NRXN1: variants seen among roughly 807,000 people sequenced by gnomAD.
The protein encoded by NRXN1 is neurexin 1.
A neutral mutation model predicts 150.9 loss-of-function variants in NRXN1; 39 were observed. The ratio of observed to expected loss-of-function variants is 0.26; its 90% CI spans 0.20 to 0.34. NRXN1 has a LOEUF of 0.34. Among genes scored for constraint, NRXN1 ranks in the 10% least tolerant of loss-of-function variants. The pLI is 1.00. For synonymous variants in NRXN1, 924 were observed against 757.0 expected (o/e 1.22, Z -3.62); for missense variants, 1,815 against 1,949.9 (o/e 0.93, Z 1.30).
chr2:49,977,728 A>T (rs1414953016), intron 21 of NRXN1, among the ~76,000 whole-genome samples: 1 of 152,178 alleles, frequency 6.6e-6, no homozygotes, highest in Non-Finnish European at 1.5e-5. Context: ...ATTAGGGTCA[A>T]TTTGTTCAAA....
chr2:50,056,752 T>C (rs932809598), intron 19 of NRXN1, among the ~76,000 whole-genome samples: 5 of 152,182 alleles, frequency 3.3e-5, no homozygotes, highest in Admixed American at 1.3e-4. Flanking sequence ...TTTTGGCTTA[T>C]AAGTGATTTT....
intron 18 of NRXN1, among the ~76,000 whole-genome samples, chr2:50,147,448 C>T (rs1482936481): frequency 1.3e-5 from 2 of 151,654 alleles, no homozygotes; most frequent in East Asian, 1.9e-4. Flanking sequence ...TATTTTAGTG[C>T]ATTCTATATG....
chr2:49,974,649 T>C (rs534132101), intron 21 of NRXN1, among the ~76,000 whole-genome samples: 2 of 152,200 alleles, frequency 1.3e-5, no homozygotes, highest in Non-Finnish European at 2.9e-5. Flanking sequence ...CAATTTTATT[T>C]GTAAGTTAAT....
At chr2:50,829,005 T>C (rs1670973654) in intron 5 of NRXN1, among the ~76,000 whole-genome samples, 2 of 152,150 alleles carry the variant, frequency 1.3e-5, no homozygotes, top group Admixed American at 6.5e-5. Context: ...GGCTGGCGGA[T>C]CACTCGCGGT....
chr2:50,123,499 T>C lies in NRXN1; in HGVS notation c.3547-32005A>G, dbSNP rs193161240. Among the ~76,000 whole-genome samples, 37 of 152,278 alleles carry C rather than the reference T, an allele frequency of 2.4e-4. 1 individual carries two copies. The East Asian group carries it at 4.4e-3, about 18-fold the overall frequency. On this transcript the variant is annotated intron_variant, in intron 18 of 22. Coordinates refer to ENST00000401669, the MANE Select transcript of NRXN1 (RefSeq NM_001330078.2). ...CAGTCAATGGTAAACTTTTGGATTT[T>C]ACTCTGGGGAAGATAGGTACTCATT...
At chr2:49,983,983 T>A (rs1487690214) in intron 21 of NRXN1, among the ~76,000 whole-genome samples, 2 of 148,998 alleles carry the variant, frequency 1.3e-5, no homozygotes, top group African/African-American at 4.9e-5. Context: ...GGCAATAGAG[T>A]GAGATCTCAT....
At chr2:50,442,687 T>A (rs1322781629) in intron 17 of NRXN1, among the ~76,000 whole-genome samples, 1 of 152,042 alleles carries the variant, frequency 6.6e-6, no homozygotes, top group East Asian at 1.9e-4. Context: ...ATAATGATAG[T>A]ATTTAAGGGC....
At chr2:49,926,564 T>C (rs1669141377) in intron 22 of NRXN1, among the ~76,000 whole-genome samples, 1 of 152,220 alleles carries the variant, frequency 6.6e-6, no homozygotes. Flanking sequence ...GATAATTCAT[T>C]GTGGAAAATG....
At chr2:50,116,070 A>G (rs1703020717) in intron 18 of NRXN1, among the ~76,000 whole-genome samples, 1 of 152,036 alleles carries the variant, frequency 6.6e-6, no homozygotes, top group Admixed American at 6.6e-5. Context: ...TCTTTTTTTA[A>G]TTGTGACTAA....
At chr2:50,501,455 G>A (rs1033491563) in intron 13 of NRXN1, among the ~76,000 whole-genome samples, 2 of 149,490 alleles carry the variant, frequency 1.3e-5, no homozygotes, top group Non-Finnish European at 3.0e-5. Flanking sequence ...CAAGAGATTG[G>A]AGAGTGAACT....
In NRXN1 at chr2:50,206,883, T is replaced by TACAC. The variant is rs367944282; in HGVS notation, c.3546+29902_3546+29905dup. ...TACACACACACACAGAAATGGGCAG[T>TACAC]ACACACACACACACACACACACATA... On this transcript the variant is annotated intron_variant, in intron 18 of 22. Coordinates refer to ENST00000401669, the MANE Select transcript of NRXN1 (RefSeq NM_001330078.2). Among the ~76,000 whole-genome samples, 43 of 149,674 alleles carry TACAC rather than the reference T, an allele frequency of 2.9e-4. 1 individual carries two copies. The highest frequency in any genetic ancestry group is 2.1e-3 in the South Asian group (10 of 4,720).
At chr2:50,096,701 TTAAA>T (rs1700271674) in intron 18 of NRXN1, among the ~76,000 whole-genome samples, 2 of 152,214 alleles carry the variant, frequency 1.3e-5, no homozygotes, top group Admixed American at 1.3e-4. Flanking sequence ...CATGGATTCA[TTAAA>T]TAAACAGTGA....
chr2:49,959,786 T>C (rs546315007), intron 21 of NRXN1, among the ~76,000 whole-genome samples: 2 of 152,308 alleles, frequency 1.3e-5, no homozygotes, highest in South Asian at 2.1e-4. Flanking sequence ...TTCATTATTA[T>C]TTTATAAGAC....
chr2:50,074,555 A>G (rs1043199816), intron 19 of NRXN1, among the ~76,000 whole-genome samples: 5 of 152,262 alleles, frequency 3.3e-5, no homozygotes, highest in African/African-American at 1.2e-4. Flanking sequence ...CATATATATG[A>G]TGGCTACTAT....
At chr2:50,627,390 TGTGTGC>T (rs1489612073) in intron 5 of NRXN1, among the ~76,000 whole-genome samples, 14 of 115,664 alleles carry the variant, frequency 1.2e-4, no homozygotes, top group East Asian at 5.6e-4. Context: ...TGTGTGTGTG[TGTGTGC>T]GCATACTAAT....
intron 8 of NRXN1, among the ~76,000 whole-genome samples, chr2:50,601,496 G>A (rs974310276): frequency 2.0e-5 from 3 of 152,170 alleles, no homozygotes; most frequent in South Asian, 2.1e-4. Context: ...ATAACTCTCC[G>A]TAATTATGAT....
At chr2:50,000,107 GA>G (rs1207783051) in intron 21 of NRXN1, among the ~76,000 whole-genome samples, 1 of 152,196 alleles carries the variant, frequency 6.6e-6, no homozygotes, top group Non-Finnish European at 1.5e-5. Flanking sequence ...GCTACATAGT[GA>G]TAAACTGCTT....
At chr2:50,364,982 A>G (rs1247506296) in intron 17 of NRXN1, among the ~76,000 whole-genome samples, 2 of 152,102 alleles carry the variant, frequency 1.3e-5, no homozygotes, top group Admixed American at 1.3e-4. Context: ...AAAAGAAAAG[A>G]AAAACCAAAC....
At chr2:50,230,845 C>A (rs1043656420) in intron 18 of NRXN1, among the ~76,000 whole-genome samples, 2 of 152,042 alleles carry the variant, frequency 1.3e-5, no homozygotes, top group African/African-American at 2.4e-5. Context: ...ACATAATAAA[C>A]TATTTAGCAC....
Sources: gnomAD v4.1 joint callset for allele counts (sites outside exome capture counted in the v4.1 genomes callset) on GRCh38, gnomAD v4.1.1 for gene constraint, MANE v1.5 for transcripts, NCBI Gene and HGNC (gene_info 2026-07-23, HGNC 2026-07-21) for gene names.